PCMTD1: variants seen among roughly 807,000 people sequenced by gnomAD.
The protein encoded by PCMTD1 is protein-L-isoaspartate (D-aspartate) O-methyltransferase domain containing 1, also known as protein-L-isoaspartate O-methyltransferase domain-containing protein 1.
A neutral mutation model predicts 37.6 loss-of-function variants in PCMTD1; 12 were observed. The observed-to-expected ratio is 0.32, with a 90% CI of 0.20 to 0.52. PCMTD1 has a LOEUF of 0.52. PCMTD1 is among the 20% of genes least tolerant of loss of function. The pLI is 0.97. For missense variants in PCMTD1, 235 were observed against 421.3 expected (o/e 0.56, Z 3.87); for synonymous variants, 117 against 135.8 (o/e 0.86, Z 0.96).
At chr8:51,857,436 A>T (rs2038407881) in intron 2 of PCMTD1, among the ~76,000 whole-genome samples, 1 of 152,234 alleles carries the variant, frequency 6.6e-6, no homozygotes, top group Non-Finnish European at 1.5e-5. Context: ...CTAAGTAAAA[A>T]GGATCAGAAT....
intron 5 of PCMTD1, among the ~76,000 whole-genome samples, chr8:51,826,223 G>T (rs1453242897): frequency 1.3e-5 from 2 of 152,200 alleles, no homozygotes; most frequent in African/African-American, 4.8e-5. Context: ...CAGGAACATG[G>T]ATGAAGCTGG....
intron 3 of PCMTD1, among the ~76,000 whole-genome samples, chr8:51,844,404 A>C (rs187494302): frequency 5.9e-5 from 9 of 152,230 alleles, no homozygotes; most frequent in Admixed American, 3.3e-4. Context: ...GTAAAAAAAA[A>C]CCTGAGCATT....
intron 3 of PCMTD1, 68 bp downstream of exon 3, chr8:51,845,593 C>T (rs1254482760): frequency 2.8e-5 from 31 of 1,108,662 alleles, no homozygotes; most frequent in Non-Finnish European, 3.0e-5. Context: ...TAATAGTGTT[C>T]AAGAATAGAC....
chr8:51,833,441 C>T, intron 4 of PCMTD1, 77 bp downstream of exon 4: 1 of 1,189,298 alleles, frequency 8.4e-7, no homozygotes. Flanking sequence ...ATATACCTTT[C>T]ACTGAATAAA....
chr8:51,827,379 A>G (rs758978155), intron 5 of PCMTD1: 1 of 738,120 alleles, frequency 1.4e-6, no homozygotes, highest in South Asian at 1.4e-5. Context: ...TATTAAATGG[A>G]AAAATTGAGA....
chr8:51,839,514 G>A (rs2038115366), intron 3 of PCMTD1: 6 of 985,220 alleles, frequency 6.1e-6, no homozygotes, highest in African/African-American at 1.7e-5. Context: ...AGATGATTTC[G>A]TTCACAGCAG....
At chr8:51,873,899 T>C (rs1219766959) in intron 1 of PCMTD1, among the ~76,000 whole-genome samples, 1 of 150,926 alleles carries the variant, frequency 6.6e-6, no homozygotes. Flanking sequence ...AGGTATTTCT[T>C]TTTTTTTTCT....
rs2037826553 is a variant in PCMTD1 at position 51,820,432 on chromosome 8, T to C, written c.993A>G (p.Gln331=). ...NEAMKPEEPP[Q]NLLREKIMKL... is the part of the protein sequence containing the mutation. ...TCATGATTTTTTCTCTCAGTAAATT[T>C]TGAGGTGGCTCCTCTGGCTTCATTG... is the stretch of plus-strand genomic sequence containing the variant. Residue 331 remains glutamine, a synonymous_variant, in exon 6 of 6, where the codon CAA becomes CAG. Coordinates refer to ENST00000522514, the MANE Select transcript of PCMTD1 (RefSeq NM_052937.4). The C allele has an allele frequency of 6.2e-7, 1 of 1,612,990 alleles. No homozygotes were observed. Among genetic ancestry groups the C allele is most frequent in the East Asian group, 2.2e-5 (1 of 44,840 alleles).
chr8:51,833,774 T>C, intron 3 of PCMTD1, 85 bp from the exon 4 acceptor site: 1 of 961,882 alleles, frequency 1.0e-6, no homozygotes, highest in South Asian at 1.8e-5. Flanking sequence ...TTTGAAATAA[T>C]GACGTTACCC....
intron 5 of PCMTD1, among the ~76,000 whole-genome samples, chr8:51,828,982 A>G (rs117902360): frequency 0.013 from 1,960 of 152,286 alleles, 29 homozygotes; most frequent in Middle Eastern, 0.031. Context: ...TTCTTGTTTT[A>G]TATGGATTGT....
At chr8:51,879,454 C>G (rs2038761160) in intron 1 of PCMTD1, among the ~76,000 whole-genome samples, 1 of 151,992 alleles carries the variant, frequency 6.6e-6, no homozygotes, top group African/African-American at 2.4e-5. Flanking sequence ...CATGATTGTC[C>G]CATCAAACTA....
chr8:51,847,783 A>G lies in PCMTD1; in HGVS notation c.308-2020T>C, dbSNP rs542963774. 4.6e-5 allele frequency among the ~76,000 whole-genome samples: 7 copies of G among 151,998 alleles called. No individual in the cohort carries two copies. The East Asian group carries it at 1.4e-3, about 30-fold the overall frequency. On this transcript the variant is annotated intron_variant, in intron 2 of 5. Coordinates refer to ENST00000522514, the MANE Select transcript of PCMTD1 (RefSeq NM_052937.4). Reference sequence around the variant, plus strand: ...TGAGATGTTTACATTTTCATTATCCATTAAGAACCAAGGGCCAGGCACGGT... The same window carrying G: ...TGAGATGTTTACATTTTCATTATCCGTTAAGAACCAAGGGCCAGGCACGGT...
At chr8:51,889,999 CAA>C (rs5891439) in intron 1 of PCMTD1, among the ~76,000 whole-genome samples, 7,802 of 80,152 alleles carry the variant, frequency 0.097, 595 homozygotes, top group African/African-American at 0.23. Context: ...AAGTCCTTAA[CAA>C]AAAAAAAAAA....
intron 2 of PCMTD1, among the ~76,000 whole-genome samples, chr8:51,852,980 A>C (rs963943757): frequency 6.6e-6 from 1 of 152,166 alleles, no homozygotes; most frequent in Non-Finnish European, 1.5e-5. Context: ...AAGAACCCAG[A>C]TTGGAGTGCA....
intron 2 of PCMTD1, among the ~76,000 whole-genome samples, chr8:51,853,844 G>A (rs552884680): frequency 2.1e-3 from 322 of 152,126 alleles, no homozygotes; most frequent in Non-Finnish European, 3.8e-3. Context: ...ACAAGGCAGA[G>A]AGAACTTCAC....
chr8:51,859,116 C>T (rs550442623), intron 2 of PCMTD1, among the ~76,000 whole-genome samples: 2 of 152,266 alleles, frequency 1.3e-5, no homozygotes, highest in Admixed American at 6.5e-5. Flanking sequence ...TTGGCACATA[C>T]TAGAGAAGGG....
At chr8:51,877,314 T>C (rs2038726778) in intron 1 of PCMTD1, among the ~76,000 whole-genome samples, 1 of 152,174 alleles carries the variant, frequency 6.6e-6, no homozygotes, top group Admixed American at 6.5e-5. Context: ...GATTGGATAG[T>C]AACTCAGAAC....
intron 1 of PCMTD1, among the ~76,000 whole-genome samples, chr8:51,898,492 G>C (rs1040986464): frequency 2.0e-5 from 3 of 152,072 alleles, no homozygotes; most frequent in Non-Finnish European, 4.4e-5. Flanking sequence ...AGAAGTCACT[G>C]GGCGGATCCA....
intron 3 of PCMTD1, among the ~76,000 whole-genome samples, chr8:51,838,021 C>T (rs1186469267): frequency 2.6e-5 from 4 of 152,018 alleles, no homozygotes; most frequent in Non-Finnish European, 4.4e-5. Context: ...TCCTGAACTC[C>T]GGCAATCTAC....
Sources: gnomAD v4.1 joint callset for allele counts (sites outside exome capture counted in the v4.1 genomes callset) on GRCh38, gnomAD v4.1.1 for gene constraint, MANE v1.5 for transcripts, NCBI Gene and HGNC (gene_info 2026-07-23, HGNC 2026-07-21) for gene names.